The following CTNNAL1 variants were observed in gnomAD, a reference collection of about 807,000 sequenced individuals.
CTNNAL1 encodes the protein catenin alpha like 1.
In CTNNAL1, 69 loss-of-function variants were observed where a neutral mutation model predicts 93.6. The ratio of observed to expected loss-of-function variants is 0.74; its 90% CI spans 0.61 to 0.90. The LOEUF is 0.90. CTNNAL1 is among the 40% of genes least tolerant of loss of function. CTNNAL1 has a pLI of 0.00. For missense variants in CTNNAL1, 836 were observed against 862.0 expected (o/e 0.97, Z 0.38); for synonymous variants, 286 against 305.4 (o/e 0.94, Z 0.66).
At chr9:108,947,117 T>C (rs1587940981) in intron 15 of CTNNAL1, among the ~76,000 whole-genome samples, 4 of 146,592 alleles carry the variant, frequency 2.7e-5, no homozygotes, top group African/African-American at 9.9e-5. Context: ...ATTTCTTTCT[T>C]TTTTTTTTTT....
At chr9:109,013,257 C>T in intron 1 of CTNNAL1, 45 bp downstream of exon 1, 1 of 1,431,998 alleles carries the variant, frequency 7.0e-7, no homozygotes, top group South Asian at 1.4e-5. Context: ...CCATCGCGGG[C>T]CGCGGCGGGA....
intron 15 of CTNNAL1, among the ~76,000 whole-genome samples, chr9:108,945,554 C>A (rs111676980): frequency 0.052 from 7,794 of 151,050 alleles, 314 homozygotes; most frequent in Admixed American, 0.12. Context: ...CTTGACCTCC[C>A]AGGCTCAAGC....
intron 11 of CTNNAL1, among the ~76,000 whole-genome samples, chr9:108,965,048 C>T (rs1005495041): frequency 1.3e-5 from 2 of 151,866 alleles, no homozygotes; most frequent in Non-Finnish European, 2.9e-5. Flanking sequence ...TTAGTAGAGA[C>T]AGGGTTTCAC....
intron 8 of CTNNAL1, among the ~76,000 whole-genome samples, chr9:108,975,611 CA>C (rs1831245704): frequency 6.6e-6 from 1 of 152,120 alleles, no homozygotes; most frequent in Admixed American, 6.5e-5. Flanking sequence ...AAACAGGGAA[CA>C]GGGGAGAAGC....
At chr9:109,010,180 C>T (rs1187856953) in intron 1 of CTNNAL1, among the ~76,000 whole-genome samples, 1 of 152,154 alleles carries the variant, frequency 6.6e-6, no homozygotes. Context: ...GCTGGGATTA[C>T]AGGCACCAGC....
At chr9:108,965,196 A>T (rs1653041359) in intron 11 of CTNNAL1, among the ~76,000 whole-genome samples, 182 bp downstream of exon 11, 2 of 152,096 alleles carry the variant, frequency 1.3e-5, no homozygotes, top group Admixed American at 6.6e-5. Flanking sequence ...TACTGCTTGG[A>T]TACTAAAATA....
chr9:108,981,015 G>C (rs756450725), intron 6 of CTNNAL1, among the ~76,000 whole-genome samples: 1 of 152,190 alleles, frequency 6.6e-6, no homozygotes, highest in Non-Finnish European at 1.5e-5. Context: ...ATGCCAAAGA[G>C]ATAATCATGG....
At chr9:108,977,820 T>C (rs1212769911) in intron 7 of CTNNAL1, among the ~76,000 whole-genome samples, 1 of 152,174 alleles carries the variant, frequency 6.6e-6, no homozygotes, top group African/African-American at 2.4e-5. Context: ...TCTCAATGCA[T>C]AGTCTACACT....
chr9:108,999,361 A>T lies in CTNNAL1; in HGVS notation c.142-105T>A, dbSNP rs984266648. The T allele has an allele frequency of 2.8e-6, 3 of 1,057,450 alleles. No individual in the cohort carries two copies. The African/African-American group carries it at 4.9e-5, about 17-fold the overall frequency. 65.5% of individuals were successfully genotyped at this position (1,057,450 alleles called of 1,614,324 possible). ...AGCCTGGCATACTGTATAGCTCAATAGACTAAATCAATAGTTAGAGATGCT... is the reference window on the plus strand; with the variant it reads ...AGCCTGGCATACTGTATAGCTCAATTGACTAAATCAATAGTTAGAGATGCT... On this transcript the variant is annotated intron_variant, in intron 1 of 18. Coordinates refer to ENST00000325551, the MANE Select transcript of CTNNAL1 (RefSeq NM_003798.4).
chr9:109,000,736 T>C (rs1318699958), intron 1 of CTNNAL1, among the ~76,000 whole-genome samples: 1 of 149,176 alleles, frequency 6.7e-6, no homozygotes, highest in Non-Finnish European at 1.5e-5. Flanking sequence ...GGAATGAGCC[T>C]CTCCTGTTCA....
chr9:108,989,255 C>G (rs1831709554), intron 4 of CTNNAL1, among the ~76,000 whole-genome samples: 1 of 152,080 alleles, frequency 6.6e-6, no homozygotes, highest in African/African-American at 2.4e-5. Flanking sequence ...ATGACTCATG[C>G]CACGCTTGCT....
chr9:108,994,314 A>G (rs1014206317), intron 2 of CTNNAL1, among the ~76,000 whole-genome samples: 1 of 152,164 alleles, frequency 6.6e-6, no homozygotes, highest in African/African-American at 2.4e-5. Flanking sequence ...TATTGTATCA[A>G]TTGTGGGTGT....
chr9:108,986,434 A>T (rs1343766589), intron 4 of CTNNAL1, among the ~76,000 whole-genome samples: 1 of 150,712 alleles, frequency 6.6e-6, no homozygotes, highest in Non-Finnish European at 1.5e-5. Flanking sequence ...TCATTGTTGG[A>T]CATTTGGGTT....
At chr9:108,986,790 AT>A (rs1831622553) in intron 4 of CTNNAL1, among the ~76,000 whole-genome samples, 1 of 152,122 alleles carries the variant, frequency 6.6e-6, no homozygotes, top group Non-Finnish European at 1.5e-5. Context: ...GATGATAAGC[AT>A]TTTTTCATGT....
intron 2 of CTNNAL1, among the ~76,000 whole-genome samples, chr9:108,996,382 A>T (rs1465560734): frequency 6.6e-6 from 1 of 152,158 alleles, no homozygotes; most frequent in Non-Finnish European, 1.5e-5. Context: ...GATTTAATGA[A>T]GTCTTAAATT....
intron 4 of CTNNAL1, among the ~76,000 whole-genome samples, chr9:108,989,029 C>T (rs146987758): frequency 6.6e-6 from 1 of 152,318 alleles, no homozygotes; most frequent in African/African-American, 2.4e-5. Context: ...AGGGGTCCCA[C>T]ATTTAATGAG....
At chr9:108,998,572 T>G (rs2132195118) in intron 2 of CTNNAL1, among the ~76,000 whole-genome samples, 1 of 152,252 alleles carries the variant, frequency 6.6e-6, no homozygotes. Flanking sequence ...GAATATTTAT[T>G]GAAAAAATTA....
chr9:108,958,845 C>T (rs1830751388), intron 11 of CTNNAL1, among the ~76,000 whole-genome samples: 2 of 151,794 alleles, frequency 1.3e-5, no homozygotes, highest in Non-Finnish European at 2.9e-5. Context: ...CGTGCCTCAG[C>T]CTCCTGAGTA....
In CTNNAL1 at chr9:108,979,390, T is replaced by A; in HGVS notation, c.992A>T (p.Asp331Val). 7 of 1,614,118 alleles carry A rather than the reference T, an allele frequency of 4.3e-6. No homozygotes were observed. The highest frequency in any genetic ancestry group is 5.9e-6 in the Non-Finnish European group (7 of 1,180,010). Residue 331 changes from aspartate (D) to valine (V), a missense_variant, in exon 7 of 19, where the codon GAC becomes GTC. By Grantham distance (152) the Asp-to-Val change is radical. Coordinates refer to ENST00000325551, the MANE Select transcript of CTNNAL1 (RefSeq NM_003798.4). ...TLEVILERME[D>V]FTDSAYTSHE... is the part of the protein sequence containing the mutation. ...GCTGGTGTAGGCAGAATCAGTAAAG[T>A]CCTCCATACGCTCCAAGATGACTTC...
Sources: gnomAD v4.1 joint callset for allele counts (sites outside exome capture counted in the v4.1 genomes callset) on GRCh38, gnomAD v4.1.1 for gene constraint, MANE v1.5 for transcripts, NCBI Gene and HGNC (gene_info 2026-07-23, HGNC 2026-07-21) for gene names.